Variants in CDK12 observed in about 807,000 individuals in gnomAD.
CDK12 encodes the protein cyclin-dependent kinase 12.
CDK12 carries 17 observed loss-of-function variants against 133.8 expected under a neutral mutation model. The observed-to-expected ratio is 0.13, with a 90% CI of 0.09 to 0.19. The LOEUF (loss-of-function observed/expected upper bound fraction) is 0.19, where lower values mean the gene tolerates loss of function less well. CDK12 is among the 10% of genes least tolerant of loss of function. The pLI, the probability that CDK12 is intolerant of heterozygous loss-of-function variation, is 1.00. For synonymous variants in CDK12, 694 were observed against 683.6 expected (o/e 1.02, Z -0.24); for missense variants, 1,508 against 1,818.7 (o/e 0.83, Z 3.11).
At chr17:39,507,389 C>G (rs374413804) in intron 6 of CDK12, among the ~76,000 whole-genome samples, 12 of 151,330 alleles carry the variant, frequency 7.9e-5, no homozygotes, top group East Asian at 6.0e-4. Context: ...GAGTTCAAGA[C>G]CAGCCTGACC....
rs745532737 is a variant in CDK12, at chr17:39,530,728, A to G, written c.3885A>G (p.Pro1295=). The change falls in exon 14 of 14, where the codon CCA becomes CCG. Residue 1295 remains proline, a synonymous_variant. Transcript: ENST00000447079. The stretch of plus-strand genomic sequence containing the variant: ...CCAGCGCCCCCCAGGAGTTGAACCC[A>G]GCCGTGACAGCCGCCTTGCTGCAAC... ...DLSSAPQELN[P]AVTAALLQLL... 1 of 1,599,054 alleles carries G rather than the reference A, an allele frequency of 6.3e-7. No homozygotes were observed. Among genetic ancestry groups the G allele is most frequent in the Admixed American group, 1.7e-5 (1 of 59,376 alleles).
chr17:39,531,825 G>A lies in CDK12; in HGVS notation c.*509G>A, dbSNP rs2054861341. The stretch of plus-strand genomic sequence containing the variant: ...AGCTGCTCTTTGGCTTTTGCTATAA[G>A]GGAAACAGAGTGGCCTGGCTGATTT... On this transcript the variant is annotated 3_prime_UTR_variant, in exon 14 of 14. Coordinates refer to ENST00000447079, the MANE Select transcript of CDK12 (RefSeq NM_016507.4). The A allele has an allele frequency of 4.3e-6, 1 of 234,036 alleles. No individual in the cohort carries two copies. Among genetic ancestry groups the A allele is most frequent in the African/African-American group, 2.2e-5 (1 of 45,330 alleles). The allele number at this position is 234,036 out of a possible 1,614,324, so 14.5% of individuals were successfully genotyped here. A position where few individuals can be genotyped will look rare whatever the true frequency, so the allele number is the denominator to read the frequency against.
intron 13 of CDK12, among the ~76,000 whole-genome samples, chr17:39,527,711 C>A (rs890083636): frequency 6.6e-6 from 1 of 151,884 alleles, no homozygotes; most frequent in Non-Finnish European, 1.5e-5. Context: ...CCATGTCCAG[C>A]TAATTTTGTA....
chr17:39,475,948 TGGAAAA>T (rs2050160284), intron 2 of CDK12, among the ~76,000 whole-genome samples: 1 of 152,100 alleles, frequency 6.6e-6, no homozygotes, highest in Non-Finnish European at 1.5e-5. Flanking sequence ...TAGTTTTTGT[TGGAAAA>T]GGAAATAGTT....
chr17:39,497,805 A>G (rs1468671494), intron 5 of CDK12, among the ~76,000 whole-genome samples: 4 of 151,852 alleles, frequency 2.6e-5, no homozygotes, highest in African/African-American at 7.3e-5. Flanking sequence ...GGATCTCTCT[A>G]TGTTGCACAG....
intron 3 of CDK12, among the ~76,000 whole-genome samples, chr17:39,560,302 T>A (rs1481779324): frequency 6.6e-6 from 1 of 151,876 alleles, no homozygotes; most frequent in Non-Finnish European, 1.5e-5. Flanking sequence ...GAACATAAAC[T>A]TCTTCTTATA....
chr17:39,473,619 G>A (rs1030156849), intron 2 of CDK12, among the ~76,000 whole-genome samples: 30 of 152,056 alleles, frequency 2.0e-4, no homozygotes, highest in Non-Finnish European at 4.1e-4. Flanking sequence ...GGCCAGGTGC[G>A]GTGGTTCATG....
In CDK12 at chr17:39,471,305, T is replaced by C; in HGVS notation, c.1473T>C (p.Leu491=). ...VKLDENSEKH[L]VKDLKAQGTR... The stretch of plus-strand genomic sequence containing the variant: ...TGGATGAGAACTCCGAGAAGCATCT[T>C]GTTAAAGATTTGAAAGCACAGGGAA... Residue 491 remains leucine, a synonymous_variant, in exon 2 of 14, where the codon CTT becomes CTC. Transcript: ENST00000447079. 6.2e-7 allele frequency: 1 copy of C among 1,613,648 alleles called. No individual in the cohort carries two copies. Among genetic ancestry groups the C allele is most frequent in the Non-Finnish European group, 8.5e-7 (1 of 1,179,782 alleles).
chr17:39,543,112 G>A (rs1346507905), upstream of CDK12, among the ~76,000 whole-genome samples: 1 of 152,202 alleles, frequency 6.6e-6, no homozygotes, highest in Non-Finnish European at 1.5e-5. Flanking sequence ...GGCGGAAGGG[G>A]GTCCCTGAAT....
downstream of CDK12, chr17:39,567,332 G>A (rs1274893443): frequency 6.6e-6 from 1 of 152,038 alleles, no homozygotes; most frequent in African/African-American, 2.4e-5. Flanking sequence ...CACTTCCATG[G>A]TACTATATAT....
chr17:39,524,536 A>C (rs1485972419), intron 11 of CDK12, 138 bp from the exon 12 acceptor site: 1 of 692,232 alleles, frequency 1.4e-6, no homozygotes, highest in Non-Finnish European at 2.4e-6. Context: ...TACTTTTACT[A>C]ACTTTTTTGG....
chr17:39,560,929 C>T (rs1017761374), intron 3 of CDK12, among the ~76,000 whole-genome samples: 3 of 152,136 alleles, frequency 2.0e-5, no homozygotes, highest in South Asian at 2.1e-4. Context: ...GCAGGAGAAT[C>T]GCCTCCACCA....
chr17:39,463,784 T>C (rs1248184152), intron 1 of CDK12, among the ~76,000 whole-genome samples: 1 of 151,886 alleles, frequency 6.6e-6, no homozygotes, highest in African/African-American at 2.4e-5. Context: ...CCGCTGACAA[T>C]TTTCAAAATC....
At chr17:39,493,079 G>A (rs1360660644) in intron 4 of CDK12, among the ~76,000 whole-genome samples, 189 bp downstream of exon 4, 2 of 151,670 alleles carry the variant, frequency 1.3e-5, no homozygotes, top group African/African-American at 2.4e-5. Flanking sequence ...TGCAAGCTCC[G>A]CCTCCTGGGT....
Position 39,519,956 on chromosome 17 carries a change from C to T in CDK12, c.2964C>T (p.Phe988=), listed in dbSNP as rs61747413. ...GTCCTTTCTGTGTTCTTTTCCATAG[C>T]ATTCCTTCTGCAGCACTTGATTTAT... The part of the protein sequence containing the change: ...YRRRLREEFS[F]IPSAALDLLD... The change falls in exon 11 of 14, where the codon TTC becomes TTT. Residue 988 remains phenylalanine (F), a splice_region_variant and synonymous_variant. Transcript: ENST00000447079. 715 of 1,613,708 alleles carry T rather than the reference C, an allele frequency of 4.4e-4. 4 individuals carry two copies. In the African/African-American group the frequency reaches 8.3e-3, roughly 19 times the overall value.
rs1397042650 is a variant in CDK12, at chr17:39,533,545, AT to A, written c.*2231del. 1 of 233,002 alleles carries A rather than the reference AT, an allele frequency of 4.3e-6. No homozygotes were observed. The highest frequency in any genetic ancestry group is 8.5e-6 in the Non-Finnish European group (1 of 117,916). The allele number at this position is 233,002 out of a possible 1,614,324, so 14.4% of individuals were successfully genotyped here. ...ATGAATAAAATTCTCTATATATTTC[AT>A]TGTATTTTGGTTATCAGCAGTCATC... On this transcript the variant is annotated 3_prime_UTR_variant, in exon 14 of 14. Transcript: ENST00000447079.
At chr17:39,480,174 T>G (rs1156480792) in intron 2 of CDK12, among the ~76,000 whole-genome samples, 2 of 152,150 alleles carry the variant, frequency 1.3e-5, no homozygotes, top group African/African-American at 4.8e-5. Context: ...TCCACTCATC[T>G]GGGCCTCCCA....
intron 2 of CDK12, among the ~76,000 whole-genome samples, chr17:39,480,722 C>T (rs906989088): frequency 1.3e-5 from 2 of 151,984 alleles, no homozygotes; most frequent in East Asian, 1.9e-4. Context: ...CACGCCCAGC[C>T]GAAACTTTTC....
Position 39,483,259 on chromosome 17 carries a change from GTTTCT to G in CDK12, c.1932-7289_1932-7285del, listed in dbSNP as rs551014542. The stretch of plus-strand genomic sequence containing the variant: ...GTTTGTAAATAGTGGTGAAATCACT[GTTTCT>G]TTTCTTTTTTTTTTTTAAGAGACAA... On this transcript the variant is annotated intron_variant, in intron 2 of 13. Transcript: ENST00000447079. 2.1e-3 allele frequency among the ~76,000 whole-genome samples: 315 copies of G among 151,518 alleles called. 3 individuals are homozygous for G. Among genetic ancestry groups the G allele is most frequent in the African/African-American group, 7.1e-3 (293 of 41,364 alleles).
Sources: gnomAD v4.1 joint callset for allele counts (sites outside exome capture counted in the v4.1 genomes callset) on GRCh38, gnomAD v4.1.1 for gene constraint, MANE v1.5 for transcripts, NCBI Gene and HGNC (gene_info 2026-07-23, HGNC 2026-07-21) for gene names.